The following SORBS2 variants were observed in gnomAD, a reference collection of about 807,000 sequenced individuals.
SORBS2 encodes sorbin and SH3 domain containing 2.
A neutral mutation model predicts 97.7 loss-of-function variants in SORBS2; 46 were observed. The observed-to-expected ratio is 0.47, with a 90% CI of 0.37 to 0.60. The LOEUF (loss-of-function observed/expected upper bound fraction) is 0.60. SORBS2 is among the 20% of genes least tolerant of loss of function. SORBS2 has a pLI of 0.00. For missense variants in SORBS2, 1,316 were observed against 1,282.3 expected (o/e 1.03, Z -0.40); for synonymous variants, 476 against 473.4 (o/e 1.01, Z -0.07).
intron 4 of SORBS2, among the ~76,000 whole-genome samples, chr4:185,644,841 C>T (rs1283560598): frequency 6.6e-6 from 1 of 152,078 alleles, no homozygotes; most frequent in Non-Finnish European, 1.5e-5. Context: ...GTGACAATTT[C>T]AATAACAATG....
chr4:185,845,568 AC>A (rs2099214104), intron 1 of SORBS2, among the ~76,000 whole-genome samples: 11 of 152,216 alleles, frequency 7.2e-5, no homozygotes, highest in Admixed American at 7.2e-4. Context: ...AAATTAACAC[AC>A]TGGACTTGAT....
intron 2 of SORBS2, among the ~76,000 whole-genome samples, chr4:185,741,393 C>CTTTTTTTTTTTTTTTTTTTT (rs1210677956): frequency 2.5e-5 from 3 of 119,546 alleles, no homozygotes; most frequent in African/African-American, 6.3e-5. Context: ...TCTTTCTTTT[C>CTTTTTTTTTTTTTTTTTTTT]TTTTTTTTTT....
At chr4:185,854,739 C>G (rs2099219775) in intron 1 of SORBS2, among the ~76,000 whole-genome samples, 1 of 151,478 alleles carries the variant, frequency 6.6e-6, no homozygotes, top group Admixed American at 6.6e-5. Context: ...CTACAGAAAT[C>G]CCCACAAGAA....
At chr4:185,631,634 T>C (rs2096908004) in intron 4 of SORBS2, among the ~76,000 whole-genome samples, 1 of 152,086 alleles carries the variant, frequency 6.6e-6, no homozygotes, top group Admixed American at 6.6e-5. Flanking sequence ...TGGTGACACA[T>C]TCCTGTTATC....
chr4:185,768,598 G>A (rs578238622), intron 2 of SORBS2, among the ~76,000 whole-genome samples: 3 of 151,636 alleles, frequency 2.0e-5, no homozygotes, highest in Admixed American at 6.6e-5. Flanking sequence ...ACTCAGGAGG[G>A]TGAGGCACGA....
chr4:185,696,159 A>G (rs1401150975), intron 2 of SORBS2, among the ~76,000 whole-genome samples: 1 of 152,230 alleles, frequency 6.6e-6, no homozygotes, highest in Non-Finnish European at 1.5e-5. Context: ...ATAATTTTTT[A>G]TGAGAATACG....
chr4:185,921,952 C>A (rs2099261113), intron 1 of SORBS2, among the ~76,000 whole-genome samples: 1 of 152,234 alleles, frequency 6.6e-6, no homozygotes, highest in African/African-American at 2.4e-5. Flanking sequence ...ATCACGTAAG[C>A]CACACAATTG....
At chr4:185,896,039 T>C (rs922647725) in intron 1 of SORBS2, among the ~76,000 whole-genome samples, 1 of 152,122 alleles carries the variant, frequency 6.6e-6, no homozygotes, top group Non-Finnish European at 1.5e-5. Context: ...ATTATCCAGC[T>C]CTGAACAAGG....
chr4:185,623,040 C>A lies in SORBS2; in HGVS notation c.2089G>T (p.Asp697Tyr). ...TAGGGTGGACAATGAATAGCACCATCGGGAGGCAGTGGGTGGAGAGGCTGG... is the reference window on the plus strand; with the variant it reads ...TAGGGTGGACAATGAATAGCACCATAGGGAGGCAGTGGGTGGAGAGGCTGG... Residue 697 changes from aspartate (D) to tyrosine (Y), a missense_variant, in exon 7 of 15, where the codon GAT (aspartate) becomes TAT (tyrosine). Coordinates refer to ENST00000418609, the Ensembl canonical transcript of SORBS2. The surrounding 1 kb of genome is among the most constrained non-coding windows in gnomAD (Gnocchi z 6.4). 1 of 1,614,078 alleles carries A rather than the reference C, an allele frequency of 6.2e-7. No homozygotes were observed. The highest frequency in any genetic ancestry group is 8.5e-7 in the Non-Finnish European group (1 of 1,180,020).
chr4:185,735,774 T>C (rs2098681935), intron 2 of SORBS2, among the ~76,000 whole-genome samples: 1 of 152,166 alleles, frequency 6.6e-6, no homozygotes, highest in South Asian at 2.1e-4. Context: ...AGTTTACCTA[T>C]AGATAACTAA....
chr4:185,900,082 A>C (rs2099246923), intron 1 of SORBS2, among the ~76,000 whole-genome samples: 1 of 152,200 alleles, frequency 6.6e-6, no homozygotes, highest in Non-Finnish European at 1.5e-5. Context: ...ACACCTGTGA[A>C]TAGCCACTGC....
intron 1 of SORBS2, among the ~76,000 whole-genome samples, chr4:185,876,358 T>A (rs2099233669): frequency 6.6e-6 from 1 of 152,218 alleles, no homozygotes; most frequent in South Asian, 2.1e-4. Context: ...TCCACCTGCC[T>A]CAGTCTCCCA....
chr4:185,633,468 G>GTTT (rs1472011042), intron 4 of SORBS2, among the ~76,000 whole-genome samples: 92 of 147,576 alleles, frequency 6.2e-4, no homozygotes, highest in Middle Eastern at 3.6e-3. Flanking sequence ...CTTTTTATGT[G>GTTT]TTGTTTTTTT....
At chr4:185,661,086 C>T (rs1444888117), upstream of SORBS2, among the ~76,000 whole-genome samples, 1 of 151,120 alleles carries the variant, frequency 6.6e-6, no homozygotes, top group Non-Finnish European at 1.5e-5. Context: ...ACCAACCTGG[C>T]CAACATGGTG....
chr4:185,913,603 G>T (rs981640483), intron 1 of SORBS2, among the ~76,000 whole-genome samples: 1 of 152,118 alleles, frequency 6.6e-6, no homozygotes, highest in Admixed American at 6.5e-5. Context: ...TCTTCTTGGG[G>T]ATTTAATTAA....
exon 13 of SORBS2, chr4:185,593,891 C>A: frequency 6.3e-7 from 1 of 1,598,830 alleles, no homozygotes. Context: ...CTTACGGTTC[C>A]CCCCCACCTT....
chr4:185,820,951 T>C (rs904447), intron 1 of SORBS2, among the ~76,000 whole-genome samples: 151,021 of 152,296 alleles, frequency 0.99, 74,895 homozygotes, highest in Middle Eastern at 1. Context: ...GAATGAATTC[T>C]ATCTGCCCCT....
rs546993663 is a variant in SORBS2 at position 185,627,840 on chromosome 4, C to T, written c.447-821G>A. On this transcript the variant is annotated intron_variant, in intron 5 of 14. Coordinates refer to ENST00000418609, the Ensembl canonical transcript of SORBS2. ...TTCTGTCCTCCAGCTTTTCATCCCT[C>T]CCTTCCTCCCGCTCATCCTGGCACC... 1.1e-4 allele frequency among the ~76,000 whole-genome samples: 17 copies of T among 151,818 alleles called. No individual in the cohort carries two copies. In the South Asian group the frequency reaches 3.4e-3, roughly 30 times the overall value.
At chr4:185,884,245 A>G (rs2149785121) in intron 1 of SORBS2, among the ~76,000 whole-genome samples, 1 of 152,354 alleles carries the variant, frequency 6.6e-6, no homozygotes, top group Middle Eastern at 3.4e-3. Flanking sequence ...GATCCTATAT[A>G]TGGGAATTGT....
Sources: gnomAD v4.1 joint callset for allele counts (sites outside exome capture counted in the v4.1 genomes callset) on GRCh38, gnomAD v4.1.1 for gene constraint, Gnocchi (gnomAD v3.1) non-coding constraint, MANE v1.5 for transcripts, NCBI Gene and HGNC (gene_info 2026-07-23, HGNC 2026-07-21) for gene names.